Variants in ZBTB18 observed in about 807,000 individuals in gnomAD.
The protein encoded by ZBTB18 is zinc finger and BTB domain-containing protein 18.
A neutral mutation model predicts 37.7 loss-of-function variants in ZBTB18; 2 were observed. The observed-to-expected ratio is 0.05, with a 90% CI of 0.02 to 0.17. The LOEUF is 0.17. Ranked by LOEUF, ZBTB18 falls within the 10% of genes least tolerant of loss-of-function variation. The probability of loss-of-function intolerance (pLI) is 1.00; values close to 1 mark genes in which losing one functional copy is unlikely to be tolerated. For synonymous variants in ZBTB18, 304 were observed against 276.5 expected (o/e 1.10, Z -0.99); for missense variants, 408 against 686.3 (o/e 0.59, Z 4.53).
At chr1:244,051,475 A>G (rs1485383044) in intron 1 of ZBTB18, 31 bp downstream of exon 1, 1 of 1,612,876 alleles carries the variant, frequency 6.2e-7, no homozygotes, top group Non-Finnish European at 8.5e-7. Context: ...GATTGAGCAT[A>G]TTTCTGTTTT....
Position 244,055,040 on chromosome 1 carries a change from G to C in ZBTB18, c.1266G>C (p.Ser422=). 3 of 1,614,178 alleles carry C rather than the reference G, an allele frequency of 1.9e-6. No individual in the cohort carries two copies. The highest frequency in any genetic ancestry group is 2.5e-6 in the Non-Finnish European group (3 of 1,180,026). ...PAADVNVPTC[S]LCGKTFSCMY... ...CCGATGTCAACGTGCCCACGTGCTC[G>C]CTGTGTGGGAAGACTTTCTCTTGCA... The change falls in exon 2 of 2, where the codon TCG becomes TCC. Residue 422 remains serine (S), a synonymous_variant. Coordinates refer to ENST00000358704, the MANE Select transcript of ZBTB18 (RefSeq NM_205768.3). This position sits in a 1 kb window ranked among gnomAD's most constrained non-coding sequence, Gnocchi z 7.0.
chr1:244,050,443 C>CCT (rs60118813), upstream of ZBTB18, among the ~76,000 whole-genome samples: 17 of 139,474 alleles, frequency 1.2e-4, no homozygotes, highest in Non-Finnish European at 2.5e-4. Flanking sequence ...GACCCCCCCC[C>CCT]AAAGAAAAAA....
rs1444294262 is a variant in ZBTB18, at chr1:244,055,484, A to G, written c.*114A>G. The G allele has an allele frequency of 9.0e-6, 3 of 334,564 alleles. No individual in the cohort carries two copies. The highest frequency in any genetic ancestry group is 1.5e-5 in the Non-Finnish European group (3 of 206,520). 20.7% of individuals were successfully genotyped at this position (334,564 alleles called of 1,614,324 possible). A position where few individuals can be genotyped will look rare whatever the true frequency, so the allele number is the denominator to read the frequency against. On this transcript the variant is annotated 3_prime_UTR_variant, in exon 2 of 2. Coordinates refer to ENST00000358704, the MANE Select transcript of ZBTB18 (RefSeq NM_205768.3). This position sits in a 1 kb window ranked among gnomAD's most constrained non-coding sequence, Gnocchi z 7.0. ...TTTCCTGGAAATAAAAAGTTGGGAT[A>G]TTAACTTGTTTTTGCACTTTAGAAT...
At position 244,053,645 on chromosome 1, in the gene ZBTB18, G is replaced by A. The variant is rs1698395878; in HGVS notation, c.14-143G>A. On this transcript the variant is annotated intron_variant, in intron 1 of 1. Transcript: ENST00000358704. The surrounding 1 kb of genome is among the most constrained non-coding windows in gnomAD (Gnocchi z 5.2). ...ATTTAGGTCTTGTCCGTGTGATTTGGTGGTGCTTGGGTCATAAGCCTGATT... is the reference window on the plus strand; with the variant it reads ...ATTTAGGTCTTGTCCGTGTGATTTGATGGTGCTTGGGTCATAAGCCTGATT... The A allele has an allele frequency of 8.1e-7, 1 of 1,230,604 alleles. No homozygotes were observed. The highest frequency in any genetic ancestry group is 1.5e-5 in the African/African-American group (1 of 65,950). The allele number at this position is 1,230,604 out of a possible 1,614,324, so 76.2% of individuals were successfully genotyped here.
upstream of ZBTB18, among the ~76,000 whole-genome samples, chr1:244,048,671 G>GCGCTCGCTCCCT (rs1193549473): frequency 3.0e-3 from 366 of 123,336 alleles, 1 homozygote; most frequent in African/African-American, 8.7e-3. Context: ...CGGCGGCTCC[G>GCGCTCGCTCCCT]CGCTCGCTCC....
rs779268432 is a variant in ZBTB18, at chr1:244,053,838, T to C, written c.64T>C (p.Cys22Arg). 1.2e-6 allele frequency: 2 copies of C among 1,614,154 alleles called. No homozygotes were observed. The highest frequency in any genetic ancestry group is 1.7e-6 in the Non-Finnish European group (2 of 1,180,016). ...FPDHSRHLLQ[C>R]LSEQRHQGFL... ...AGACCATAGTAGACATTTGCTACAGTGTCTGAGCGAGCAGAGACACCAGGG... is the reference window on the plus strand; with the variant it reads ...AGACCATAGTAGACATTTGCTACAGCGTCTGAGCGAGCAGAGACACCAGGG... The change falls in exon 2 of 2, where the codon TGT (cysteine) becomes CGT (arginine). Residue 22 changes from cysteine (C) to arginine (R), a missense_variant. Cys to Arg is a radical substitution (Grantham distance 180). This residue lies in a region of ZBTB18 where 95 missense variants were observed against 218.7 expected (regional missense o/e 0.43). Coordinates refer to ENST00000358704, the MANE Select transcript of ZBTB18 (RefSeq NM_205768.3). This position sits in a 1 kb window ranked among gnomAD's most constrained non-coding sequence, Gnocchi z 5.2.
rs138240287 is a variant in ZBTB18, at chr1:244,053,933, A to G, written c.159A>G (p.Ser53=). 1.3e-5 allele frequency: 21 copies of G among 1,614,184 alleles called. No homozygotes were observed. Among genetic ancestry groups the G allele is most frequent in the African/African-American group, 1.1e-4 (8 of 75,038 alleles). Residue 53 remains serine, a synonymous_variant, in exon 2 of 2, where the codon TCA becomes TCG. Coordinates refer to ENST00000358704, the MANE Select transcript of ZBTB18 (RefSeq NM_205768.3). This position sits in a 1 kb window ranked among gnomAD's most constrained non-coding sequence, Gnocchi z 5.2. ...QFRAHRAVLA[S]CSMYFHLFYK... ...GAGCGCACCGAGCTGTACTGGCTTC[A>G]TGCAGCATGTATTTCCACCTCTTTT... is the stretch of plus-strand genomic sequence containing the variant.
chr1:244,054,657 G>T lies in ZBTB18; in HGVS notation c.883G>T (p.Gly295Cys). 6.2e-7 allele frequency: 1 copy of T among 1,614,212 alleles called. No homozygotes were observed. The highest frequency in any genetic ancestry group is 8.5e-7 in the Non-Finnish European group (1 of 1,180,036). ...KEASCDESDV[G>C]TNDYDMEHST... ...GGCTTCCTGTGATGAGAGTGATGTT[G>T]GCACTAATGACTATGACATGGAACA... The change falls in exon 2 of 2, where the codon GGC becomes TGC. Residue 295 changes from glycine to cysteine, a missense_variant. Around this residue, in one of 4 missense-constraint regions of ZBTB18, gnomAD observed 266 missense variants for 312.0 expected, o/e 0.85. Coordinates refer to ENST00000358704, the MANE Select transcript of ZBTB18 (RefSeq NM_205768.3). The surrounding 1 kb of genome is among the most constrained non-coding windows in gnomAD (Gnocchi z 9.0).
upstream of ZBTB18, among the ~76,000 whole-genome samples, chr1:244,048,647 C>A (rs1470674509): frequency 2.0e-5 from 3 of 147,784 alleles, no homozygotes; most frequent in Non-Finnish European, 4.6e-5. Context: ...CCGCCCCCGC[C>A]CCCCCACCCG....
intron 1 of ZBTB18, among the ~76,000 whole-genome samples, chr1:244,051,979 C>T (rs1219479245): frequency 6.6e-6 from 1 of 152,132 alleles, no homozygotes; most frequent in Non-Finnish European, 1.5e-5. Context: ...ACTTTTGTCC[C>T]CAGGAGAATA....
chr1:244,055,389 A>AATAT lies in ZBTB18; in HGVS notation c.*31_*34dup, dbSNP rs112455960. ...GAAATAATTTTATATATATATAAAT[A>AATAT]ATATATATATATATACATATATATA... On this transcript the variant is annotated 3_prime_UTR_variant, in exon 2 of 2. Coordinates refer to ENST00000358704, the MANE Select transcript of ZBTB18 (RefSeq NM_205768.3). The surrounding 1 kb of genome is among the most constrained non-coding windows in gnomAD (Gnocchi z 7.0). 7.6e-6 allele frequency: 5 copies of AATAT among 654,334 alleles called. No individual in the cohort carries two copies. The highest frequency in any genetic ancestry group is 1.9e-5 in the African/African-American group (1 of 51,840). 40.5% of individuals were successfully genotyped at this position (654,334 alleles called of 1,614,324 possible).
intron 1 of ZBTB18, 86 bp downstream of exon 1, chr1:244,051,530 C>T: frequency 9.9e-6 from 15 of 1,509,412 alleles, no homozygotes; most frequent in Non-Finnish European, 1.3e-5. Flanking sequence ...ACTTTTCTAA[C>T]CCAGTTTAGG....
At position 244,053,271 on chromosome 1, in the gene ZBTB18, G is replaced by GT. The variant is rs764987520; in HGVS notation, c.14-516dup. The stretch of plus-strand genomic sequence containing the variant: ...TTTTTCTTGATTCAGCCAAATGTGT[G>GT]TGTGTGTGTTTAAACTGTGCTTTCT... On this transcript the variant is annotated intron_variant, in intron 1 of 1. Transcript: ENST00000358704. This position sits in a 1 kb window ranked among gnomAD's most constrained non-coding sequence, Gnocchi z 5.2. 6.6e-6 allele frequency among the ~76,000 whole-genome samples: 1 copy of GT among 152,124 alleles called. No homozygotes were observed. Among genetic ancestry groups the GT allele is most frequent in the Non-Finnish European group, 1.5e-5 (1 of 68,028 alleles).
Position 244,053,900 on chromosome 1 carries a change from C to T in ZBTB18, c.126C>T (p.Ala42=), listed in dbSNP as rs748414544. 16 of 1,613,994 alleles carry T rather than the reference C, an allele frequency of 9.9e-6. No individual in the cohort carries two copies. Among genetic ancestry groups the T allele is most frequent in the Non-Finnish European group, 1.3e-5 (15 of 1,180,022 alleles). ...LCDCTVLVGD[A]QFRAHRAVLA... is the part of the protein sequence containing the mutation. The stretch of plus-strand genomic sequence containing the variant: ...ACTGCACTGTTCTGGTGGGAGATGC[C>T]CAGTTCCGAGCGCACCGAGCTGTAC... The change falls in exon 2 of 2, where the codon GCC becomes GCT. Residue 42 remains alanine (A), a synonymous_variant. Transcript: ENST00000358704. The surrounding 1 kb of genome is among the most constrained non-coding windows in gnomAD (Gnocchi z 5.2).
At chr1:244,051,030 C>G (rs539132591), upstream of ZBTB18, among the ~76,000 whole-genome samples, 122 of 152,288 alleles carry the variant, frequency 8.0e-4, no homozygotes, top group African/African-American at 2.9e-3. Flanking sequence ...TACAGTAGAA[C>G]TCCATATGCT....
chr1:244,057,293 C>A lies in ZBTB18; in HGVS notation c.*1923C>A, dbSNP rs1698494496. 6.0e-6 allele frequency: 1 copy of A among 166,776 alleles called. No individual in the cohort carries two copies. The allele number at this position is 166,776 out of a possible 1,614,324, so 10.3% of individuals were successfully genotyped here. On this transcript the variant is annotated 3_prime_UTR_variant, in exon 2 of 2. Transcript: ENST00000358704. ...GGTCATTGTGAGTGATTGCTTTTTCCTTTTCTTAGTTTCACATTCTTCCTT... is the reference window on the plus strand; with the variant it reads ...GGTCATTGTGAGTGATTGCTTTTTCATTTTCTTAGTTTCACATTCTTCCTT...
At chr1:244,048,628 G>GCCCCCCCCCCCCCCCCCCCCCCCCCCC (rs1325001619), upstream of ZBTB18, among the ~76,000 whole-genome samples, 5 of 79,492 alleles carry the variant, frequency 6.3e-5, no homozygotes, top group Admixed American at 1.2e-4. Flanking sequence ...CCCCGCGCCC[G>GCCCCCCCCCCCCCCCCCCCCCCCCCCC]CCCCCCCCCC....
rs772479701 is a variant in ZBTB18 at position 244,053,384 on chromosome 1, T to C, written c.14-404T>C. Among the ~76,000 whole-genome samples the C allele has an allele frequency of 1.3e-5, 2 of 152,210 alleles. No homozygotes were observed. Among genetic ancestry groups the C allele is most frequent in the Non-Finnish European group, 2.9e-5 (2 of 68,024 alleles). Reference sequence around the variant, plus strand: ...AGGATATGTTTGGGACTTTTCTTTGTTTATTATATGAGTTGTTCCCTTTGA... The same window carrying C: ...AGGATATGTTTGGGACTTTTCTTTGCTTATTATATGAGTTGTTCCCTTTGA... On this transcript the variant is annotated intron_variant, in intron 1 of 1. Transcript: ENST00000358704. This position sits in a 1 kb window ranked among gnomAD's most constrained non-coding sequence, Gnocchi z 5.2.
chr1:244,054,224 C>G lies in ZBTB18; in HGVS notation c.450C>G (p.Val150=), dbSNP rs374037473. The change falls in exon 2 of 2, where the codon GTC becomes GTG. Residue 150 remains valine (V), a synonymous_variant. Transcript: ENST00000358704. The surrounding 1 kb of genome is among the most constrained non-coding windows in gnomAD (Gnocchi z 9.0). ...EEDASSCSDK[V]ESLSDGSSHI... ...ATGCTTCAAGTTGTTCGGACAAAGT[C>G]GAGAGTCTCTCCGATGGCAGCAGCC... The G allele has an allele frequency of 1.2e-6, 2 of 1,613,956 alleles. No homozygotes were observed. Among genetic ancestry groups the G allele is most frequent in the Non-Finnish European group, 1.7e-6 (2 of 1,180,030 alleles).
Sources: gnomAD v4.1 joint callset for allele counts (sites outside exome capture counted in the v4.1 genomes callset) on GRCh38, gnomAD v4.1.1 for gene constraint, gnomAD v4.1.1 regional missense constraint, Gnocchi (gnomAD v3.1) non-coding constraint, MANE v1.5 for transcripts, NCBI Gene and HGNC (gene_info 2026-07-23, HGNC 2026-07-21) for gene names.